Variants in ZNF638 observed in about 807,000 individuals in gnomAD.
The protein encoded by ZNF638 is zinc finger protein 638.
In ZNF638, 46 loss-of-function variants were observed where a neutral mutation model predicts 195.6. That is an observed-to-expected ratio of 0.24 (90% CI 0.19 to 0.30). The LOEUF is 0.30. ZNF638 is among the 10% of genes least tolerant of loss of function. ZNF638 has a pLI of 1.00. For synonymous variants in ZNF638, 845 were observed against 772.0 expected, an observed-to-expected ratio of 1.09 and a Z score of -1.57; for missense variants, 2,440 against 2,325.3, an observed-to-expected ratio of 1.05 and a Z score of -1.01.
At chr2:71,345,339 C>G (rs2078832274) in intron 1 of ZNF638, among the ~76,000 whole-genome samples, 2 of 152,060 alleles carry the variant, frequency 1.3e-5, no homozygotes, top group Admixed American at 1.3e-4. Flanking sequence ...ATAATGCTTA[C>G]TTTTTTTAAC....
chr2:71,375,603 A>G (rs1573074077), intron 8 of ZNF638: 1 of 152,234 alleles, frequency 6.6e-6, no homozygotes, highest in East Asian at 1.9e-4. Context: ...AGAGGCAGTT[A>G]AGGAGAAACA....
At chr2:71,373,327 T>G (rs72839801) in intron 8 of ZNF638, among the ~76,000 whole-genome samples, 3,379 of 152,150 alleles carry the variant, frequency 0.022, 70 homozygotes, top group South Asian at 0.039. Context: ...AAAATATTCA[T>G]TTGAAGGTGC....
Position 71,348,835 on chromosome 2 carries a change from T to C in ZNF638, c.-120T>C, listed in dbSNP as rs1312419466. 3 of 1,605,746 alleles carry C rather than the reference T, an allele frequency of 1.9e-6. No individual in the cohort carries two copies. Among genetic ancestry groups the C allele is most frequent in the Non-Finnish European group, 2.5e-6 (3 of 1,178,342 alleles). On this transcript the variant is annotated 5_prime_UTR_variant, in exon 2 of 28. Coordinates refer to ENST00000264447, the MANE Select transcript of ZNF638 (RefSeq NM_014497.5). ...TGCAAACCCACTTCTGTTGGGCCCA[T>C]CTCCTTTGCACTTTGCTCAGATTAA...
intron 10 of ZNF638, among the ~76,000 whole-genome samples, chr2:71,390,702 AT>A (rs1281013371): frequency 6.6e-6 from 1 of 152,102 alleles, no homozygotes; most frequent in Non-Finnish European, 1.5e-5. Flanking sequence ...GGAAATAAGA[AT>A]TTTACTGGCT....
intron 1 of ZNF638, among the ~76,000 whole-genome samples, chr2:71,339,747 C>T (rs2078733175): frequency 6.6e-6 from 1 of 152,144 alleles, no homozygotes; most frequent in Non-Finnish European, 1.5e-5. Context: ...GAAACATCTA[C>T]CACTTTTCTC....
At chr2:71,395,220 T>C (rs755755875) in intron 10 of ZNF638, 3 of 717,132 alleles carry the variant, frequency 4.2e-6, no homozygotes, top group African/African-American at 1.7e-5. Context: ...ATACTCATGT[T>C]TGTCTTATGT....
At chr2:71,353,900 G>A (rs1294135636) in intron 2 of ZNF638, among the ~76,000 whole-genome samples, 1 of 152,164 alleles carries the variant, frequency 6.6e-6, no homozygotes, top group African/African-American at 2.4e-5. Flanking sequence ...ATGGGTTTTA[G>A]TACTACTAGA....
rs756921632 is a variant in ZNF638 at position 71,363,925 on chromosome 2, C to A, written c.1419-29C>A. The A allele has an allele frequency of 1.9e-6, 3 of 1,580,530 alleles. No individual in the cohort carries two copies. The Admixed American group carries it at 5.6e-5, about 30-fold the overall frequency. Reference sequence around the variant, plus strand: ...TTTAAATTTACATTAAATTGCTGATCACTTTCTTTTCCGCCCCCCTGCTTG... The same window carrying A: ...TTTAAATTTACATTAAATTGCTGATAACTTTCTTTTCCGCCCCCCTGCTTG... On this transcript the variant is annotated intron_variant, in intron 4 of 27. Coordinates refer to ENST00000264447, the MANE Select transcript of ZNF638 (RefSeq NM_014497.5).
At position 71,365,717 on chromosome 2, in the gene ZNF638, A is replaced by T; in HGVS notation, c.1995+11A>T. The T allele has an allele frequency of 6.3e-7, 1 of 1,583,636 alleles. No individual in the cohort carries two copies. The highest frequency in any genetic ancestry group is 8.6e-7 in the Non-Finnish European group (1 of 1,166,300). On this transcript the variant is annotated intron_variant, in intron 6 of 27. Transcript: ENST00000264447. The stretch of plus-strand genomic sequence containing the variant: ...TCTCTCCAGCGAAAGGTAATTCTTT[A>T]ATTAATAATTATTTTTAGAGATAAG...
chr2:71,344,072 G>A (rs547433436), intron 1 of ZNF638, among the ~76,000 whole-genome samples: 17 of 152,228 alleles, frequency 1.1e-4, no homozygotes, highest in Non-Finnish European at 2.1e-4. Flanking sequence ...GGAGGTTGCA[G>A]TGAGCCAAGA....
intron 1 of ZNF638, 149 bp downstream of exon 1, chr2:71,332,024 G>A (rs1373423136): frequency 1.2e-5 from 9 of 746,834 alleles, no homozygotes; most frequent in Non-Finnish European, 1.3e-5. Flanking sequence ...GACGGCGGGG[G>A]CGGGAGGAGG....
chr2:71,347,038 A>T (rs746828405), intron 1 of ZNF638, among the ~76,000 whole-genome samples: 7 of 149,774 alleles, frequency 4.7e-5, no homozygotes, highest in Non-Finnish European at 7.4e-5. Context: ...AAAAGAAAAA[A>T]AAAAGAAAGA....
At chr2:71,350,388 T>A in intron 2 of ZNF638, 117 bp downstream of exon 2, 1 of 1,027,172 alleles carries the variant, frequency 9.7e-7, no homozygotes, top group Non-Finnish European at 1.4e-6. Context: ...AAGGTAATTT[T>A]AATTGCAACC....
At chr2:71,433,599 A>G (rs749555421) in intron 27 of ZNF638, 6 of 197,328 alleles carry the variant, frequency 3.0e-5, no homozygotes, top group African/African-American at 7.0e-5. Flanking sequence ...AAGTTTCTGA[A>G]TTGTCTAGCC....
intron 10 of ZNF638, among the ~76,000 whole-genome samples, chr2:71,392,840 T>C (rs2079810410): frequency 6.6e-6 from 1 of 152,184 alleles, no homozygotes; most frequent in African/African-American, 2.4e-5. Context: ...TTATCCATTA[T>C]AGCAACAGAT....
At position 71,423,820 on chromosome 2, in the gene ZNF638, G is replaced by A; in HGVS notation, c.4306G>A (p.Glu1436Lys). ...INAEKKLSAK[E>K]FGLLKPTSAR... Reference sequence around the variant, plus strand: ...TGCTGAAAAGAAACTTTCAGCCAAGGAATTTGGTCTGCTTAAACCCACAAG... The same window carrying A: ...TGCTGAAAAGAAACTTTCAGCCAAGAAATTTGGTCTGCTTAAACCCACAAG... Residue 1436 changes from glutamate (E) to lysine (K), a missense_variant, in exon 22 of 28, where the codon GAA becomes AAA. Glu to Lys is a moderately conservative substitution (Grantham distance 56, BLOSUM62 1). This residue lies in a region of ZNF638 where 1,883 missense variants were observed against 1,739.1 expected (regional missense o/e 1.08). Coordinates refer to ENST00000264447, the MANE Select transcript of ZNF638 (RefSeq NM_014497.5). The A allele has an allele frequency of 6.2e-7, 1 of 1,614,074 alleles. No homozygotes were observed. Among genetic ancestry groups the A allele is most frequent in the Non-Finnish European group, 8.5e-7 (1 of 1,180,010 alleles).
chr2:71,411,305 A>G (rs1438298870), intron 20 of ZNF638, among the ~76,000 whole-genome samples: 1 of 151,270 alleles, frequency 6.6e-6, no homozygotes, highest in Non-Finnish European at 1.5e-5. Context: ...GCCCCAGGGA[A>G]GTTTTTCTAT....
chr2:71,360,427 A>T (rs2079089156), intron 3 of ZNF638, among the ~76,000 whole-genome samples: 1 of 152,100 alleles, frequency 6.6e-6, no homozygotes, highest in Admixed American at 6.5e-5. Context: ...AGCCAAATTC[A>T]TATTTTCCCA....
chr2:71,356,123 CT>C (rs1395814523), intron 3 of ZNF638, among the ~76,000 whole-genome samples: 1 of 152,184 alleles, frequency 6.6e-6, no homozygotes, highest in Non-Finnish European at 1.5e-5. Context: ...GGACAAGTAA[CT>C]GAAAATCAGT....
Sources: gnomAD v4.1 joint callset for allele counts (sites outside exome capture counted in the v4.1 genomes callset) on GRCh38, gnomAD v4.1.1 for gene constraint, gnomAD v4.1.1 regional missense constraint, MANE v1.5 for transcripts, NCBI Gene and HGNC (gene_info 2026-07-23, HGNC 2026-07-21) for gene names.